Variants in GRM7 observed in about 807,000 individuals in gnomAD.
GRM7 encodes the protein glutamate metabotropic receptor 7, also known as metabotropic glutamate receptor 7.
A neutral mutation model predicts 84.5 loss-of-function variants in GRM7; 35 were observed. The ratio of observed to expected loss-of-function variants is 0.41; its 90% CI spans 0.32 to 0.55. The LOEUF (loss-of-function observed/expected upper bound fraction) is 0.55, where lower values mean the gene tolerates loss of function less well. Among genes scored for constraint, GRM7 ranks in the 20% least tolerant of loss-of-function variants. The pLI is 0.19. For synonymous variants in GRM7, 487 were observed against 455.1 expected, an observed-to-expected ratio of 1.07 and a Z score of -0.89; for missense variants, 1,003 against 1,194.6, an observed-to-expected ratio of 0.84 and a Z score of 2.36.
chr3:7,340,030 T>A (rs996509410), intron 4 of GRM7, among the ~76,000 whole-genome samples: 1 of 152,112 alleles, frequency 6.6e-6, no homozygotes, highest in African/African-American at 2.4e-5. Context: ...TATAGTAATA[T>A]TATTATATTT....
At chr3:7,372,120 G>T (rs995603352) in intron 4 of GRM7, among the ~76,000 whole-genome samples, 1 of 152,116 alleles carries the variant, frequency 6.6e-6, no homozygotes, top group African/African-American at 2.4e-5. Flanking sequence ...AAGTAGGGCG[G>T]GAGAGGTGGG....
intron 7 of GRM7, among the ~76,000 whole-genome samples, chr3:7,508,381 A>T (rs1040684500): frequency 6.6e-6 from 1 of 152,184 alleles, no homozygotes. Context: ...CCTTCAAGTG[A>T]TATTTTACCT....
At chr3:7,517,936 AT>A (rs1211156441) in intron 7 of GRM7, among the ~76,000 whole-genome samples, 3 of 152,206 alleles carry the variant, frequency 2.0e-5, no homozygotes, top group Middle Eastern at 3.2e-3. Flanking sequence ...TTTACATCTA[AT>A]TGGTGAAAGC....
At chr3:7,383,800 G>T (rs1694682441) in intron 4 of GRM7, among the ~76,000 whole-genome samples, 1 of 152,120 alleles carries the variant, frequency 6.6e-6, no homozygotes, top group Admixed American at 6.6e-5. Flanking sequence ...CCACCCTGGG[G>T]TATATGAAAT....
intron 7 of GRM7, among the ~76,000 whole-genome samples, chr3:7,487,184 G>A (rs536564823): frequency 1.3e-5 from 2 of 152,248 alleles, no homozygotes; most frequent in Admixed American, 6.5e-5. Context: ...AATATAGAAG[G>A]AACTGTGTGG....
chr3:7,301,303 A>G (rs893205709), intron 3 of GRM7, among the ~76,000 whole-genome samples: 1 of 152,152 alleles, frequency 6.6e-6, no homozygotes, highest in African/African-American at 2.4e-5. Flanking sequence ...TTACAAAATT[A>G]TCTTACAACA....
At chr3:6,978,706 A>G (rs1415433663) in intron 1 of GRM7, among the ~76,000 whole-genome samples, 1 of 152,172 alleles carries the variant, frequency 6.6e-6, no homozygotes, top group African/African-American at 2.4e-5. Flanking sequence ...AAAGGAGAAC[A>G]TAGTGGCATA....
intron 4 of GRM7, among the ~76,000 whole-genome samples, chr3:7,343,212 T>A (rs1692726128): frequency 6.6e-6 from 1 of 151,986 alleles, no homozygotes; most frequent in Non-Finnish European, 1.5e-5. Flanking sequence ...AGTTTACAGA[T>A]CTTTTAAGAG....
At chr3:7,044,499 T>C (rs1229899604) in intron 1 of GRM7, among the ~76,000 whole-genome samples, 1 of 152,224 alleles carries the variant, frequency 6.6e-6, no homozygotes, top group East Asian at 1.9e-4. Context: ...TTAAATATTG[T>C]GTCTCAGTTT....
At chr3:7,145,825 T>A (rs1209069141) in intron 1 of GRM7, among the ~76,000 whole-genome samples, 2 of 152,102 alleles carry the variant, frequency 1.3e-5, no homozygotes, top group Non-Finnish European at 2.9e-5. Flanking sequence ...ATTTGGAAAA[T>A]TTTGAGGAAA....
In GRM7 at chr3:7,254,193, G is replaced by A. The variant is rs528135640; in HGVS notation, c.737-44491G>A. Among the ~76,000 whole-genome samples the A allele has an allele frequency of 5.9e-5, 9 of 152,256 alleles. No homozygotes were observed. The South Asian group carries it at 6.2e-4, about 11-fold the overall frequency. On this transcript the variant is annotated intron_variant, in intron 2 of 9. Coordinates refer to ENST00000357716, the MANE Select transcript of GRM7 (RefSeq NM_000844.4). ...GCAGCCTGTCCATTAAACAGGACCCGTGCTTTACAAAGGCCCCGTGCTTGG... is the reference window on the plus strand; with the variant it reads ...GCAGCCTGTCCATTAAACAGGACCCATGCTTTACAAAGGCCCCGTGCTTGG...
intron 2 of GRM7, among the ~76,000 whole-genome samples, chr3:7,155,402 A>G: frequency 6.6e-6 from 1 of 151,888 alleles, no homozygotes; most frequent in East Asian, 1.9e-4. Flanking sequence ...TGGAATACAC[A>G]AGTAAAAAGG....
At chr3:6,920,648 T>C (rs113250933) in intron 1 of GRM7, among the ~76,000 whole-genome samples, 122 of 152,300 alleles carry the variant, frequency 8.0e-4, no homozygotes, top group Admixed American at 2.0e-3. Flanking sequence ...TGTCTATATT[T>C]TACTCTCATG....
intron 7 of GRM7, among the ~76,000 whole-genome samples, chr3:7,525,707 C>T (rs1015508958): frequency 5.9e-5 from 9 of 152,038 alleles, no homozygotes; most frequent in Admixed American, 2.6e-4. Context: ...TTTCTCCTCT[C>T]GTCCTCCCCA....
chr3:7,720,485 T>C lies in GRM7; in HGVS notation c.2699-19872T>C, dbSNP rs138501785. Among the ~76,000 whole-genome samples, 797 of 152,314 alleles carry C rather than the reference T, an allele frequency of 5.2e-3. 2 individuals are homozygous for C. The highest frequency in any genetic ancestry group is 8.3e-3 in the Non-Finnish European group (562 of 68,028). ...CAGGAAGAAGGAAGGTGATGTTGAA[T>C]AGTGGAATCTTACCTGCCAGGCTTT... On this transcript the variant is annotated intron_variant, in intron 9 of 9. Coordinates refer to ENST00000357716, the MANE Select transcript of GRM7 (RefSeq NM_000844.4).
intron 7 of GRM7, among the ~76,000 whole-genome samples, chr3:7,566,679 G>C (rs987498652): frequency 2.0e-5 from 3 of 151,920 alleles, no homozygotes; most frequent in East Asian, 3.9e-4. Context: ...TAGCTAACTG[G>C]TATCAGTAGA....
At chr3:6,930,091 G>A (rs1205298947) in intron 1 of GRM7, among the ~76,000 whole-genome samples, 2 of 152,158 alleles carry the variant, frequency 1.3e-5, no homozygotes, top group African/African-American at 4.8e-5. Context: ...AGACTGTGTG[G>A]CAATCCCAAC....
At chr3:6,887,000 T>A (rs1388780162) in intron 1 of GRM7, among the ~76,000 whole-genome samples, 2 of 152,058 alleles carry the variant, frequency 1.3e-5, no homozygotes, top group Non-Finnish European at 2.9e-5. Context: ...CTACAAAATG[T>A]CTATCATTCT....
intron 8 of GRM7, among the ~76,000 whole-genome samples, chr3:7,671,301 A>C (rs1316409508): frequency 1.3e-5 from 2 of 152,016 alleles, no homozygotes; most frequent in Non-Finnish European, 2.9e-5. Context: ...GATGAACTCT[A>C]AACTTTTCCA....
Sources: gnomAD v4.1 joint callset for allele counts (sites outside exome capture counted in the v4.1 genomes callset) on GRCh38, gnomAD v4.1.1 for gene constraint, MANE v1.5 for transcripts, NCBI Gene and HGNC (gene_info 2026-07-23, HGNC 2026-07-21) for gene names.